SYT16: variants seen among roughly 807,000 people sequenced by gnomAD.
SYT16 encodes synaptotagmin 16, also known as synaptotagmin-16.
Under a neutral mutation model 61.4 loss-of-function variants are expected in SYT16, and 42 were observed. The ratio of observed to expected loss-of-function variants is 0.68; its 90% CI spans 0.53 to 0.89. SYT16 has a LOEUF of 0.89. Ranked by LOEUF, SYT16 falls within the 40% of genes least tolerant of loss-of-function variation. The pLI is 0.00. For synonymous variants in SYT16, 314 were observed against 302.3 expected, an observed-to-expected ratio of 1.04 and a Z score of -0.40; for missense variants, 804 against 807.3, an observed-to-expected ratio of 1.00 and a Z score of 0.05.
In SYT16 at chr14:62,060,443, A is replaced by T. The variant is rs542985294; in HGVS notation, c.524-9160A>T. Among the ~76,000 whole-genome samples, 17 of 151,190 alleles carry T rather than the reference A, an allele frequency of 1.1e-4. No homozygotes were observed. In the East Asian group the frequency reaches 3.0e-3, roughly 26 times the overall value. ...GTAGTTCTCACAGTTGATTTTAGCT[A>T]TAGGGTTTTAGTAGATTCCCTACAC... On this transcript the variant is annotated intron_variant, in intron 3 of 7. Coordinates refer to ENST00000683842, the MANE Select transcript of SYT16 (RefSeq NM_001367656.1).
At chr14:61,879,009 T>G (rs2047597532) in intron 1 of SYT16, among the ~76,000 whole-genome samples, 1 of 152,214 alleles carries the variant, frequency 6.6e-6, no homozygotes, top group African/African-American at 2.4e-5. Flanking sequence ...CAGACTTCCC[T>G]TCAGTGCTAC....
intron 1 of SYT16, among the ~76,000 whole-genome samples, chr14:61,951,579 C>A (rs1594994427): frequency 6.6e-6 from 1 of 152,068 alleles, no homozygotes; most frequent in East Asian, 1.9e-4. Flanking sequence ...GGATGTCTTT[C>A]TTCCAAGATT....
At chr14:62,080,249 A>G (rs2056660525) in intron 5 of SYT16, among the ~76,000 whole-genome samples, 1 of 152,208 alleles carries the variant, frequency 6.6e-6, no homozygotes, top group South Asian at 2.1e-4. Flanking sequence ...CAGGATCTCA[A>G]GCTCCACTCC....
chr14:61,911,927 C>G (rs1660655), intron 1 of SYT16, among the ~76,000 whole-genome samples: 138,504 of 152,296 alleles, frequency 0.91, 63,113 homozygotes, highest in East Asian at 0.98. Context: ...AGCGCAGTTA[C>G]GGGGAAACAA....
Position 61,929,035 on chromosome 14 carries a change from A to C in SYT16, c.-324-41097A>C, listed in dbSNP as rs982586164. 9.9e-5 allele frequency among the ~76,000 whole-genome samples: 15 copies of C among 152,236 alleles called. No homozygotes were observed. The East Asian group carries it at 2.9e-3, about 29-fold the overall frequency. ...TCTATGAAAAATCCTCATGCTAAAC[A>C]CATTTCTGGTGGTTCACCTCTTCAG... On this transcript the variant is annotated intron_variant, in intron 1 of 7. Transcript: ENST00000683842.
At chr14:61,954,506 C>T (rs1239587852) in intron 1 of SYT16, among the ~76,000 whole-genome samples, 1 of 152,112 alleles carries the variant, frequency 6.6e-6, no homozygotes, top group Admixed American at 6.6e-5. Context: ...AAGTTTTTAG[C>T]ATGAACTGTG....
In SYT16 at chr14:61,820,305, G is replaced by T. The variant is rs117131200; in HGVS notation, c.-325+7495G>T. Reference sequence around the variant, plus strand: ...AATTCACTGATGGGCTGTGAAAAGGGCTACAACAGCTACCTCTTTGATTTA... The same window carrying T: ...AATTCACTGATGGGCTGTGAAAAGGTCTACAACAGCTACCTCTTTGATTTA... On this transcript the variant is annotated intron_variant, in intron 1 of 7. Transcript: ENST00000683842. Among the ~76,000 whole-genome samples, 557 of 152,184 alleles carry T rather than the reference G, an allele frequency of 3.7e-3. 4 individuals carry two copies. Among genetic ancestry groups the T allele is most frequent in the Admixed American group, 0.012 (181 of 15,270 alleles).
intron 1 of SYT16, among the ~76,000 whole-genome samples, chr14:61,863,629 T>A (rs980641180): frequency 6.6e-6 from 1 of 152,268 alleles, no homozygotes; most frequent in Non-Finnish European, 1.5e-5. Context: ...AAGTCCAACT[T>A]ATCAATTCTT....
rs1164909781 is a variant in SYT16, at chr14:61,856,642, C to A, written c.-325+43832C>A. ...GATCAGGAATTTCGTTTTGGGAACA[C>A]CAAGTCTGAGATGTCTATTAAACAT... On this transcript the variant is annotated intron_variant, in intron 1 of 7. Coordinates refer to ENST00000683842, the MANE Select transcript of SYT16 (RefSeq NM_001367656.1). Among the ~76,000 whole-genome samples the A allele has an allele frequency of 2.6e-5, 4 of 151,994 alleles. No individual in the cohort carries two copies. The East Asian group carries it at 7.7e-4, about 29-fold the overall frequency.
Position 61,872,716 on chromosome 14 carries a change from C to A in SYT16, c.-325+59906C>A, listed in dbSNP as rs541652522. ...CCCAGGGCACATCCCATATAGAATTCTTTCTACTCTGTTTTGTGCTTTGGG... is the reference window on the plus strand; with the variant it reads ...CCCAGGGCACATCCCATATAGAATTATTTCTACTCTGTTTTGTGCTTTGGG... On this transcript the variant is annotated intron_variant, in intron 1 of 7. Coordinates refer to ENST00000683842, the MANE Select transcript of SYT16 (RefSeq NM_001367656.1). 8.0e-4 allele frequency among the ~76,000 whole-genome samples: 122 copies of A among 152,312 alleles called. 4 individuals are homozygous for A. In the South Asian group the frequency reaches 0.025, roughly 31 times the overall value.
chr14:61,882,640 C>T (rs771768920), intron 1 of SYT16, among the ~76,000 whole-genome samples: 5 of 152,194 alleles, frequency 3.3e-5, no homozygotes, highest in East Asian at 1.9e-4. Flanking sequence ...TTTCAAAACA[C>T]GATCATGCCT....
At chr14:62,066,416 T>A (rs2056063586) in intron 3 of SYT16, among the ~76,000 whole-genome samples, 1 of 152,232 alleles carries the variant, frequency 6.6e-6, no homozygotes, top group Admixed American at 6.5e-5. Flanking sequence ...TTGTAAAGGT[T>A]TTGTGTGTCG....
chr14:62,100,815 A>G lies in SYT16; in HGVS notation c.*108A>G. ...TTTCAGGGTTTCAAAAACAGATTCC[A>G]CTAACCCCTAGGACATTGTGAGTGG... On this transcript the variant is annotated 3_prime_UTR_variant, in exon 8 of 8. Coordinates refer to ENST00000683842, the MANE Select transcript of SYT16 (RefSeq NM_001367656.1). The G allele has an allele frequency of 3.5e-6, 4 of 1,129,680 alleles. No homozygotes were observed. The highest frequency in any genetic ancestry group is 4.9e-6 in the Non-Finnish European group (4 of 809,478). The allele number at this position is 1,129,680 out of a possible 1,614,324, so 70.0% of individuals were successfully genotyped here.
At chr14:61,859,828 T>C (rs1461234888) in intron 1 of SYT16, among the ~76,000 whole-genome samples, 5 of 152,100 alleles carry the variant, frequency 3.3e-5, no homozygotes, top group African/African-American at 4.8e-5. Context: ...CAGCAACACA[T>C]TGACTCCCTA....
chr14:61,957,775 T>C (rs1220007251), intron 1 of SYT16, among the ~76,000 whole-genome samples: 1 of 151,934 alleles, frequency 6.6e-6, no homozygotes, highest in African/African-American at 2.4e-5. Flanking sequence ...TATTTTCTTG[T>C]GGTGGTTTTG....
intron 1 of SYT16, among the ~76,000 whole-genome samples, chr14:61,827,669 A>G (rs558087284): frequency 5.3e-5 from 8 of 151,902 alleles, no homozygotes; most frequent in African/African-American, 1.9e-4. Context: ...CCCCTTCTCT[A>G]TCTTATTTTG....
chr14:62,028,575 G>A (rs1475371247), intron 3 of SYT16, among the ~76,000 whole-genome samples: 1 of 151,948 alleles, frequency 6.6e-6, no homozygotes, highest in Non-Finnish European at 1.5e-5. Context: ...TAGGTGAGTT[G>A]GAAAAATTTT....
intron 3 of SYT16, among the ~76,000 whole-genome samples, chr14:62,053,456 C>T (rs2055401054): frequency 1.3e-5 from 2 of 152,228 alleles, no homozygotes; most frequent in Non-Finnish European, 2.9e-5. Context: ...AGCATGCTGA[C>T]TGCAGACCTT....
At chr14:61,987,886 C>T (rs887141554) in intron 2 of SYT16, among the ~76,000 whole-genome samples, 8 of 151,828 alleles carry the variant, frequency 5.3e-5, no homozygotes, top group African/African-American at 9.7e-5. Flanking sequence ...ACCTTAGTTC[C>T]ATCATTTTTG....
Sources: allele counts gnomAD v4.1 joint callset (sites outside exome capture counted in the v4.1 genomes callset), GRCh38; gene constraint gnomAD v4.1.1; transcripts MANE v1.5; gene names NCBI Gene and HGNC (gene_info 2026-07-23, HGNC 2026-07-21).